CNTLN: variants seen among roughly 807,000 people sequenced by gnomAD.
CNTLN encodes the protein centlein, also known as centlein, centrosomal protein.
CNTLN carries 212 observed loss-of-function variants against 180.0 expected under a neutral mutation model. The ratio of observed to expected loss-of-function variants is 1.18; its 90% CI spans 1.05 to 1.32. The LOEUF is 1.32. Among genes scored for constraint, CNTLN ranks in the 40% most tolerant of loss-of-function variants. CNTLN has a pLI of 0.00. For synonymous variants in CNTLN, 722 were observed against 563.1 expected (o/e 1.28, Z -3.99); for missense variants, 2,095 against 1,610.9 (o/e 1.30, Z -5.14).
chr9:17,431,650 C>T (rs902026949), intron 18 of CNTLN, among the ~76,000 whole-genome samples: 1 of 152,028 alleles, frequency 6.6e-6, no homozygotes, highest in Non-Finnish European at 1.5e-5. Flanking sequence ...CCCAGTGTTT[C>T]TTCCTAGTAG....
chr9:17,442,922 A>C (rs974132847), intron 18 of CNTLN, among the ~76,000 whole-genome samples: 1 of 152,244 alleles, frequency 6.6e-6, no homozygotes, highest in African/African-American at 2.4e-5. Flanking sequence ...TTTTCTGATA[A>C]AATTAAATAT....
the CNTLN span, among the ~76,000 whole-genome samples, chr9:17,522,114 C>G: frequency 6.6e-6 from 1 of 152,104 alleles, no homozygotes. Flanking sequence ...TTTCCAGTCT[C>G]CTGTCTCCTA....
intron 10 of CNTLN, among the ~76,000 whole-genome samples, chr9:17,335,940 A>AAC (rs1820997008): frequency 6.6e-6 from 1 of 151,854 alleles, no homozygotes; most frequent in African/African-American, 2.4e-5. Flanking sequence ...ACAAAAACAA[A>AAC]AACAAAGTTA....
intron 8 of CNTLN, among the ~76,000 whole-genome samples, chr9:17,312,643 T>A (rs1165433279): frequency 6.7e-6 from 1 of 149,326 alleles, no homozygotes; most frequent in Non-Finnish European, 1.5e-5. Flanking sequence ...GGCCTCGTTA[T>A]CCACCCACCT....
At chr9:17,145,997 T>G (rs1818433014) in intron 2 of CNTLN, among the ~76,000 whole-genome samples, 1 of 152,188 alleles carries the variant, frequency 6.6e-6, no homozygotes, top group African/African-American at 2.4e-5. Context: ...GAGCATACAG[T>G]AATGCTACCA....
chr9:17,290,931 C>T (rs191959558), intron 6 of CNTLN, among the ~76,000 whole-genome samples: 1,822 of 152,268 alleles, frequency 0.012, 41 homozygotes, highest in African/African-American at 0.042. Flanking sequence ...TGAGAGAAAC[C>T]CGGTACCTCA....
intron 2 of CNTLN, among the ~76,000 whole-genome samples, chr9:17,179,230 C>G (rs1323702270): frequency 8.4e-6 from 1 of 118,654 alleles, no homozygotes; most frequent in Admixed American, 1.0e-4. Flanking sequence ...GGCGACAGAG[C>G]GAGACTCCGT....
intron 8 of CNTLN, among the ~76,000 whole-genome samples, chr9:17,317,695 G>T (rs1484979577): frequency 6.6e-6 from 1 of 152,120 alleles, no homozygotes; most frequent in Non-Finnish European, 1.5e-5. Flanking sequence ...CATTAGAAAA[G>T]AAATATAGAA....
At position 17,327,110 on chromosome 9, in the gene CNTLN, A is replaced by T. The variant is rs145532289; in HGVS notation, c.1342-3522A>T. On this transcript the variant is annotated intron_variant, in intron 8 of 25. Transcript: ENST00000380647. ...GGTAGGAGGTCAGGGAGAACTCTGC[A>T]TAGTATCTGCTTAGTTTTTCTTTAC... Among the ~76,000 whole-genome samples, 71 of 151,642 alleles carry T rather than the reference A, an allele frequency of 4.7e-4. 2 individuals are homozygous for T. The highest frequency in any genetic ancestry group is 1.6e-3 in the African/African-American group (68 of 41,386).
intron 5 of CNTLN, among the ~76,000 whole-genome samples, chr9:17,253,350 T>C (rs1183722747): frequency 6.6e-6 from 1 of 151,766 alleles, no homozygotes; most frequent in Non-Finnish European, 1.5e-5. Flanking sequence ...CTAGATTGCT[T>C]TGGGCAGTTT....
intron 2 of CNTLN, among the ~76,000 whole-genome samples, chr9:17,160,068 G>T (rs1042719767): frequency 7.2e-5 from 11 of 152,172 alleles, no homozygotes; most frequent in African/African-American, 1.2e-4. Context: ...ACTGACTTTA[G>T]AAGTTGTACC....
chr9:17,283,992 G>A (rs1828820587), intron 6 of CNTLN, among the ~76,000 whole-genome samples: 1 of 151,400 alleles, frequency 6.6e-6, no homozygotes, highest in Non-Finnish European at 1.5e-5. Flanking sequence ...GCTGTATTCA[G>A]TTTGCCAGTA....
chr9:17,326,411 G>C (rs1264024730), intron 8 of CNTLN, among the ~76,000 whole-genome samples: 1 of 151,844 alleles, frequency 6.6e-6, no homozygotes, highest in African/African-American at 2.4e-5. Flanking sequence ...AGAGGGGATT[G>C]GTTAACTTGA....
At chr9:17,165,166 C>G (rs1024875919) in intron 2 of CNTLN, among the ~76,000 whole-genome samples, 2 of 152,086 alleles carry the variant, frequency 1.3e-5, no homozygotes, top group Admixed American at 6.6e-5. Flanking sequence ...AGTGACTTTT[C>G]TTAAAATAAT....
intron 6 of CNTLN, among the ~76,000 whole-genome samples, chr9:17,292,239 T>C (rs936494827): frequency 2.6e-5 from 4 of 152,268 alleles, no homozygotes; most frequent in South Asian, 2.1e-4. Context: ...ACATTTTTTT[T>C]CCCTTCATTT....
Position 17,405,980 on chromosome 9 carries a change from G to C in CNTLN, c.2616-3313G>C, listed in dbSNP as rs1587907778. Among the ~76,000 whole-genome samples, 5 of 151,538 alleles carry C rather than the reference G, an allele frequency of 3.3e-5. 1 individual carries two copies. The Middle Eastern group carries it at 0.017, about 519-fold the overall frequency. Reference sequence around the variant, plus strand: ...AGTAGAGATGGGGTTTCTCCATGTTGGTCAGGCTCTGAATTTTAGACATGT... The same window carrying C: ...AGTAGAGATGGGGTTTCTCCATGTTCGTCAGGCTCTGAATTTTAGACATGT... On this transcript the variant is annotated intron_variant, in intron 15 of 25. Coordinates refer to ENST00000380647, the MANE Select transcript of CNTLN (RefSeq NM_017738.4).
In CNTLN at chr9:17,261,839, C is replaced by T. The variant is rs543549133; in HGVS notation, c.850-11894C>T. Among the ~76,000 whole-genome samples, 46 of 151,426 alleles carry T rather than the reference C, an allele frequency of 3.0e-4. No individual in the cohort carries two copies. In the South Asian group the frequency reaches 9.3e-3, roughly 31 times the overall value. The stretch of plus-strand genomic sequence containing the variant: ...AAATGTTTGCAATCTACCATTCTGA[C>T]AAAGGTATCCAGAATCTACAAGGAA... On this transcript the variant is annotated intron_variant, in intron 5 of 25. Transcript: ENST00000380647.
downstream of CNTLN, among the ~76,000 whole-genome samples, chr9:17,505,170 G>A (rs537791567): frequency 1.3e-5 from 2 of 151,744 alleles, no homozygotes; most frequent in African/African-American, 4.8e-5. Flanking sequence ...CTATAAATAG[G>A]AACTTCTCAA....
rs145565221 is a variant in CNTLN, at chr9:17,420,002, C to T, written c.3114+3813C>T. Reference sequence around the variant, plus strand: ...CAATCTCGGCTCACTGCAAGCTCCGCCTCCCAGGTTCAAGCAATTCTTCTG... The same window carrying T: ...CAATCTCGGCTCACTGCAAGCTCCGTCTCCCAGGTTCAAGCAATTCTTCTG... On this transcript the variant is annotated intron_variant, in intron 18 of 25. Coordinates refer to ENST00000380647, the MANE Select transcript of CNTLN (RefSeq NM_017738.4). 3.6e-3 allele frequency among the ~76,000 whole-genome samples: 552 copies of T among 152,270 alleles called. 1 individual carries two copies. The highest frequency in any genetic ancestry group is 0.013 in the African/African-American group (523 of 41,552).
Sources: gnomAD v4.1 joint callset for allele counts (sites outside exome capture counted in the v4.1 genomes callset) on GRCh38, gnomAD v4.1.1 for gene constraint, MANE v1.5 for transcripts, NCBI Gene and HGNC (gene_info 2026-07-23, HGNC 2026-07-21) for gene names.